SLC16A10: variants seen among roughly 807,000 people sequenced by gnomAD.
The protein encoded by SLC16A10 is monocarboxylate transporter 10.
In SLC16A10, 27 loss-of-function variants were observed where a neutral mutation model predicts 40.0. That is an observed-to-expected ratio of 0.67 (90% CI 0.50 to 0.93). The LOEUF (loss-of-function observed/expected upper bound fraction) is 0.93, where lower values mean the gene tolerates loss of function less well. Among genes scored for constraint, SLC16A10 ranks in the 40% least tolerant of loss-of-function variants. SLC16A10 has a pLI of 0.00. For missense variants in SLC16A10, 529 were observed against 658.2 expected (o/e 0.80, Z 2.15); for synonymous variants, 213 against 249.8 (o/e 0.85, Z 1.39).
intron 4 of SLC16A10, among the ~76,000 whole-genome samples, chr6:111,218,229 T>G (rs76815283): frequency 1.4e-4 from 21 of 152,164 alleles, no homozygotes; most frequent in African/African-American, 5.1e-4. Context: ...ATTTTTTTTT[T>G]GGTACAGATT....
At chr6:111,146,271 A>G (rs1201394647) in intron 1 of SLC16A10, among the ~76,000 whole-genome samples, 1 of 152,254 alleles carries the variant, frequency 6.6e-6, no homozygotes, top group Non-Finnish European at 1.5e-5. Flanking sequence ...GATGGCTAAA[A>G]TAAAAAAAGA....
chr6:111,198,134 A>T (rs1300163273), intron 3 of SLC16A10, among the ~76,000 whole-genome samples: 1 of 152,098 alleles, frequency 6.6e-6, no homozygotes, highest in Non-Finnish European at 1.5e-5. Context: ...TAAAAATACA[A>T]AAACTAGCTG....
chr6:111,121,312 G>A (rs993679099), intron 1 of SLC16A10, among the ~76,000 whole-genome samples: 4 of 152,176 alleles, frequency 2.6e-5, no homozygotes, highest in South Asian at 2.1e-4. Flanking sequence ...CGGTAATCCC[G>A]GCACTTTGGG....
In SLC16A10 at chr6:111,230,148, C is replaced by T. The variant is rs113500008; in HGVS notation, c.*7913C>T. Reference sequence around the variant, plus strand: ...GGACTACAGGTGCCCACTACCACACCGGCTAATTTTTGTATTTTTGGTAGA... The same window carrying T: ...GGACTACAGGTGCCCACTACCACACTGGCTAATTTTTGTATTTTTGGTAGA... On this transcript the variant is annotated 3_prime_UTR_variant, in exon 6 of 6. Coordinates refer to ENST00000368851, the MANE Select transcript of SLC16A10 (RefSeq NM_018593.5). 0.067 allele frequency: 10,245 copies of T among 151,888 alleles called. 446 individuals carry two copies. Among genetic ancestry groups the T allele is most frequent in the Middle Eastern group, 0.12 (35 of 294 alleles). 9.4% of individuals were successfully genotyped at this position (151,888 alleles called of 1,614,324 possible).
chr6:111,096,702 C>G (rs1302538828), intron 1 of SLC16A10, among the ~76,000 whole-genome samples: 1 of 152,118 alleles, frequency 6.6e-6, no homozygotes, highest in Non-Finnish European at 1.5e-5. Flanking sequence ...TTTTTCATTT[C>G]ACTAATTTTT....
At chr6:111,208,893 A>G (rs1583363676) in intron 4 of SLC16A10, among the ~76,000 whole-genome samples, 2 of 152,210 alleles carry the variant, frequency 1.3e-5, no homozygotes, top group African/African-American at 2.4e-5. Flanking sequence ...AATATGAATT[A>G]TATCTCAATA....
In SLC16A10 at chr6:111,208,399, G is replaced by T. The variant is rs533308521; in HGVS notation, c.1086+1664G>T. 3.9e-5 allele frequency among the ~76,000 whole-genome samples: 6 copies of T among 152,258 alleles called. No homozygotes were observed. In the South Asian group the frequency reaches 1.2e-3, roughly 32 times the overall value. ...CCAAGAGTTTGAGATTAGACATGGTGAAACCCCGTCTCTACTAAAAATACA... is the reference window on the plus strand; with the variant it reads ...CCAAGAGTTTGAGATTAGACATGGTTAAACCCCGTCTCTACTAAAAATACA... On this transcript the variant is annotated intron_variant, in intron 4 of 5. Transcript: ENST00000368851.
intron 1 of SLC16A10, among the ~76,000 whole-genome samples, chr6:111,102,893 T>G (rs1052138005): frequency 1.3e-5 from 2 of 152,142 alleles, no homozygotes; most frequent in Non-Finnish European, 2.9e-5. Flanking sequence ...AAATTTTGTT[T>G]GCATGTATTT....
intron 1 of SLC16A10, among the ~76,000 whole-genome samples, chr6:111,152,791 T>C (rs1400149317): frequency 2.0e-5 from 3 of 152,228 alleles, no homozygotes; most frequent in Non-Finnish European, 4.4e-5. Context: ...GGTCAACTAT[T>C]ACATATCCAG....
At chr6:111,140,645 T>A (rs890455406) in intron 1 of SLC16A10, among the ~76,000 whole-genome samples, 1 of 152,178 alleles carries the variant, frequency 6.6e-6, no homozygotes, top group Non-Finnish European at 1.5e-5. Flanking sequence ...TGTCTAAATA[T>A]TTAAAGTTAT....
At chr6:111,159,974 G>A (rs1266529761) in intron 1 of SLC16A10, among the ~76,000 whole-genome samples, 1 of 151,982 alleles carries the variant, frequency 6.6e-6, no homozygotes, top group South Asian at 2.1e-4. Context: ...AAATTGAGTT[G>A]CTTGGTTTTT....
intron 1 of SLC16A10, among the ~76,000 whole-genome samples, chr6:111,119,423 G>A (rs1045253231): frequency 5.9e-5 from 9 of 152,146 alleles, no homozygotes; most frequent in African/African-American, 2.2e-4. Flanking sequence ...CGCTAACATT[G>A]GAATCTTACA....
chr6:111,208,389 T>C (rs1773289791), intron 4 of SLC16A10, among the ~76,000 whole-genome samples: 1 of 152,048 alleles, frequency 6.6e-6, no homozygotes, highest in East Asian at 1.9e-4. Flanking sequence ...AGTTTGAGAT[T>C]AGACATGGTG....
At chr6:111,165,749 T>A (rs1370278658) in intron 1 of SLC16A10, among the ~76,000 whole-genome samples, 2 of 152,100 alleles carry the variant, frequency 1.3e-5, no homozygotes, top group Non-Finnish European at 2.9e-5. Flanking sequence ...AAAGGAAGAT[T>A]TAAGAAAGGA....
At chr6:111,196,077 T>G (rs1773075565) in intron 3 of SLC16A10, among the ~76,000 whole-genome samples, 2 of 151,970 alleles carry the variant, frequency 1.3e-5, no homozygotes, top group East Asian at 1.9e-4. Flanking sequence ...AAATATTAGC[T>G]GAGCATTCCA....
intron 1 of SLC16A10, among the ~76,000 whole-genome samples, chr6:111,125,868 C>G: frequency 6.6e-6 from 1 of 152,116 alleles, no homozygotes; most frequent in East Asian, 1.9e-4. Context: ...TTGACTAGAT[C>G]AAACAGGAGT....
At chr6:111,089,808 G>A (rs1770940151) in intron 1 of SLC16A10, among the ~76,000 whole-genome samples, 1 of 151,416 alleles carries the variant, frequency 6.6e-6, no homozygotes, top group Non-Finnish European at 1.5e-5. Context: ...TTCCTGCCTG[G>A]GATTACAGAT....
At chr6:111,127,956 C>T (rs1771705519) in intron 1 of SLC16A10, among the ~76,000 whole-genome samples, 1 of 152,136 alleles carries the variant, frequency 6.6e-6, no homozygotes, top group African/African-American at 2.4e-5. Context: ...AGTGAACCTG[C>T]GTGGACTGGG....
At chr6:111,163,686 C>CT (rs1772418502) in intron 1 of SLC16A10, among the ~76,000 whole-genome samples, 1 of 152,158 alleles carries the variant, frequency 6.6e-6, no homozygotes, top group Non-Finnish European at 1.5e-5. Context: ...TCAGAAAAGA[C>CT]AACCTTGAAA....
Sources: gnomAD v4.1 joint callset for allele counts (sites outside exome capture counted in the v4.1 genomes callset) on GRCh38, gnomAD v4.1.1 for gene constraint, MANE v1.5 for transcripts, NCBI Gene and HGNC (gene_info 2026-07-23, HGNC 2026-07-21) for gene names.